The following CCDC43 variants were observed in gnomAD, a reference collection of about 807,000 sequenced individuals.
CCDC43 encodes coiled-coil domain containing 43.
CCDC43 carries 20 observed loss-of-function variants against 33.3 expected under a neutral mutation model. The observed-to-expected ratio is 0.60, with a 90% CI of 0.42 to 0.87. The LOEUF is 0.87. CCDC43 is among the 40% of genes least tolerant of loss of function. The pLI, the probability that CCDC43 is intolerant of heterozygous loss-of-function variation, is 0.00. For synonymous variants in CCDC43, 104 were observed against 106.5 expected (o/e 0.98, Z 0.14); for missense variants, 248 against 269.9 (o/e 0.92, Z 0.57).
intron 1 of CCDC43, chr17:44,687,553 G>A (rs1332954858): frequency 9.2e-5 from 14 of 151,638 alleles, no homozygotes; most frequent in Admixed American, 7.9e-4. Flanking sequence ...GAGTCCAGTC[G>A]TTCAAGGCTA....
intron 1 of CCDC43, among the ~76,000 whole-genome samples, chr17:44,686,156 G>A (rs1447817520): frequency 6.6e-6 from 1 of 152,008 alleles, no homozygotes; most frequent in South Asian, 2.1e-4. Context: ...CTCGTGATCC[G>A]CCTGCCTTGG....
At position 44,677,989 on chromosome 17, in the gene CCDC43, G is replaced by T. The variant is rs1972101091; in HGVS notation, c.*867C>A. 6 of 152,514 alleles carry T rather than the reference G, an allele frequency of 3.9e-5. No homozygotes were observed. The highest frequency in any genetic ancestry group is 1.4e-4 in the African/African-American group (6 of 41,406). 9.4% of individuals were successfully genotyped at this position (152,514 alleles called of 1,614,324 possible). A position where few individuals can be genotyped will look rare whatever the true frequency, so the allele number is the denominator to read the frequency against. On this transcript the variant is annotated 3_prime_UTR_variant, in exon 5 of 5. Coordinates refer to ENST00000315286, the MANE Select transcript of CCDC43 (RefSeq NM_144609.3). ...CACTCATTCATTCAATAAATTTGTT[G>T]AGCACCTACTATGTACACTCTTAAA...
At chr17:44,683,612 A>C (rs1231005003) in intron 2 of CCDC43, among the ~76,000 whole-genome samples, 1 of 152,160 alleles carries the variant, frequency 6.6e-6, no homozygotes, top group Admixed American at 6.6e-5. Context: ...TACAAGAAGC[A>C]GTGGAAAGAT....
At chr17:44,686,981 A>G (rs957262102) in intron 1 of CCDC43, among the ~76,000 whole-genome samples, 2 of 152,092 alleles carry the variant, frequency 1.3e-5, no homozygotes, top group African/African-American at 4.8e-5. Flanking sequence ...CAAACTTCTA[A>G]ATTCCTCATA....
chr17:44,689,388 G>A (rs1972288315), intron 1 of CCDC43, 162 bp downstream of exon 1: 3 of 1,039,636 alleles, frequency 2.9e-6, no homozygotes, highest in Non-Finnish European at 2.7e-6. Context: ...CCTGGTTGGG[G>A]AGCAACCTCC....
intron 1 of CCDC43, among the ~76,000 whole-genome samples, chr17:44,685,306 C>A (rs1184648102): frequency 6.6e-6 from 1 of 152,196 alleles, no homozygotes; most frequent in Non-Finnish European, 1.5e-5. Flanking sequence ...AGGTTATCAA[C>A]TTTCATGCTA....
At chr17:44,685,036 T>C (rs1271663317) in intron 1 of CCDC43, among the ~76,000 whole-genome samples, 1 of 152,228 alleles carries the variant, frequency 6.6e-6, no homozygotes, top group African/African-American at 2.4e-5. Context: ...TCCTCCCATC[T>C]TGGCCCCCTA....
At position 44,679,504 on chromosome 17, in the gene CCDC43, T is replaced by G. The variant is rs1458731635; in HGVS notation, c.488-461A>C. 2.6e-5 allele frequency among the ~76,000 whole-genome samples: 4 copies of G among 152,214 alleles called. No homozygotes were observed. In the East Asian group the frequency reaches 7.7e-4, roughly 29 times the overall value. On this transcript the variant is annotated intron_variant, in intron 4 of 4. Coordinates refer to ENST00000315286, the MANE Select transcript of CCDC43 (RefSeq NM_144609.3). ...AAGAGTTAAATAAGATGTTTAACCT[T>G]ATTAAACTTTATCAATTTGCTTTTG...
At chr17:44,680,456 G>T in intron 4 of CCDC43, 129 bp downstream of exon 4, 1 of 673,286 alleles carries the variant, frequency 1.5e-6, no homozygotes, top group Non-Finnish European at 2.8e-6. Context: ...CCTAGGAATA[G>T]GGCTCCCAAT....
In CCDC43 at chr17:44,677,623, T is replaced by C. The variant is rs1461892862; in HGVS notation, c.*1233A>G. ...CATAGTTAATGGTATAAAACAGAGA[T>C]TGGCAAACCTTTCCTCCAACAGGCC... is the stretch of plus-strand genomic sequence containing the variant. On this transcript the variant is annotated 3_prime_UTR_variant, in exon 5 of 5. Coordinates refer to ENST00000315286, the MANE Select transcript of CCDC43 (RefSeq NM_144609.3). The C allele has an allele frequency of 5.3e-5, 8 of 152,092 alleles. No homozygotes were observed. The highest frequency in any genetic ancestry group is 3.3e-4 in the Admixed American group (5 of 15,268). The allele number at this position is 152,092 out of a possible 1,614,324, so 9.4% of individuals were successfully genotyped here.
Position 44,680,572 on chromosome 17 carries a change from C to A in CCDC43, c.487+13G>T. 4 of 1,596,040 alleles carry A rather than the reference C, an allele frequency of 2.5e-6. No homozygotes were observed. Among genetic ancestry groups the A allele is most frequent in the South Asian group, 2.2e-5 (2 of 90,446 alleles). The stretch of plus-strand genomic sequence containing the variant: ...CTATGGAGAAACACATAGGGAGGGA[C>A]CCAGAAGGATACGTTTGTCAGAACC... On this transcript the variant is annotated intron_variant, in intron 4 of 4. Transcript: ENST00000315286.
rs1972111176 is a variant in CCDC43 at position 44,678,630 on chromosome 17, A to G, written c.*226T>C. 4.7e-6 allele frequency: 2 copies of G among 424,708 alleles called. No homozygotes were observed. Among genetic ancestry groups the G allele is most frequent in the African/African-American group, 4.0e-5 (2 of 49,554 alleles). The allele number at this position is 424,708 out of a possible 1,614,324, so 26.3% of individuals were successfully genotyped here. On this transcript the variant is annotated 3_prime_UTR_variant, in exon 5 of 5. Transcript: ENST00000315286. ...GTATTAAAATATAAAGGTGGCCCCC[A>G]TTCCAGATCTTTGGTACAGTCATCA...
At chr17:44,684,771 ATTAT>A (rs974783369) in intron 1 of CCDC43, among the ~76,000 whole-genome samples, 15 of 151,920 alleles carry the variant, frequency 9.9e-5, no homozygotes, top group African/African-American at 3.4e-4. Context: ...ACAATGCATT[ATTAT>A]TTATTTATTA....
In CCDC43 at chr17:44,678,994, C is replaced by T; in HGVS notation, c.537G>A (p.Leu179=). 1 of 1,613,782 alleles carries T rather than the reference C, an allele frequency of 6.2e-7. No individual in the cohort carries two copies. The highest frequency in any genetic ancestry group is 8.5e-7 in the Non-Finnish European group (1 of 1,179,860). ...NVEDVLNARK[L]ERDSLRDESQ... ...ATTCATCCCGAAGTGAGTCTCGCTC[C>T]AGTTTTCGGGCATTAAGGACATCTT... The change falls in exon 5 of 5, where the codon CTG becomes CTA. Residue 179 remains leucine (L), a synonymous_variant. Coordinates refer to ENST00000315286, the MANE Select transcript of CCDC43 (RefSeq NM_144609.3).
intron 3 of CCDC43, among the ~76,000 whole-genome samples, chr17:44,681,441 T>G (rs1011434185): frequency 3.9e-5 from 6 of 152,142 alleles, no homozygotes; most frequent in Admixed American, 3.3e-4. Flanking sequence ...CTGTCCAGAA[T>G]TATTCTGGTA....
In CCDC43 at chr17:44,689,546, T is replaced by C; in HGVS notation, c.204+4A>G. 1 of 1,613,918 alleles carries C rather than the reference T, an allele frequency of 6.2e-7. No homozygotes were observed. The highest frequency in any genetic ancestry group is 8.5e-7 in the Non-Finnish European group (1 of 1,179,846). ...GGCTGAAGGAATGTGTCCAGGCTACTCACCAGGAAAGCAGAGAGGATCCCC... is the reference window on the plus strand; with the variant it reads ...GGCTGAAGGAATGTGTCCAGGCTACCCACCAGGAAAGCAGAGAGGATCCCC... On this transcript the variant is annotated splice_donor_region_variant and intron_variant, in intron 1 of 4. Transcript: ENST00000315286.
intron 4 of CCDC43, among the ~76,000 whole-genome samples, chr17:44,679,701 G>C (rs1972127721): frequency 6.6e-6 from 1 of 151,986 alleles, no homozygotes; most frequent in South Asian, 2.1e-4. Flanking sequence ...AGACCATCCT[G>C]GCTAACAGGT....
At chr17:44,685,183 C>T (rs1386104120) in intron 1 of CCDC43, among the ~76,000 whole-genome samples, 1 of 152,216 alleles carries the variant, frequency 6.6e-6, no homozygotes, top group Non-Finnish European at 1.5e-5. Context: ...CAACAATCTT[C>T]CCTTTTCCCA....
intron 1 of CCDC43, chr17:44,688,111 A>G (rs1972267928): frequency 6.6e-6 from 1 of 152,218 alleles, no homozygotes; most frequent in Non-Finnish European, 1.5e-5. Context: ...CTTTTAAAAA[A>G]ATGAGATATG....
Sources: allele counts gnomAD v4.1 joint callset (sites outside exome capture counted in the v4.1 genomes callset), GRCh38; gene constraint gnomAD v4.1.1; transcripts MANE v1.5; gene names NCBI Gene and HGNC (gene_info 2026-07-23, HGNC 2026-07-21).